ANK3: variants seen among roughly 807,000 people sequenced by gnomAD.
ANK3 encodes ankyrin-3.
ANK3 carries 57 observed loss-of-function variants against 370.9 expected under a neutral mutation model. That is an observed-to-expected ratio of 0.15 (90% CI 0.12 to 0.19). The LOEUF (loss-of-function observed/expected upper bound fraction) is 0.19, where lower values mean the gene tolerates loss of function less well. ANK3 is among the 10% of genes least tolerant of loss of function. ANK3 has a pLI of 1.00. For synonymous variants in ANK3, 1,929 were observed against 1,946.3 expected, an observed-to-expected ratio of 0.99 and a Z score of 0.23; for missense variants, 4,439 against 5,302.1, an observed-to-expected ratio of 0.84 and a Z score of 5.06.
At chr10:60,038,978 T>A (rs996244871) in intron 43 of ANK3, among the ~76,000 whole-genome samples, 1 of 152,204 alleles carries the variant, frequency 6.6e-6, no homozygotes, top group African/African-American at 2.4e-5. Flanking sequence ...AGACCTTCCC[T>A]AGCCCCAAAG....
chr10:60,273,284 G>A (rs897327440), intron 4 of ANK3, among the ~76,000 whole-genome samples: 1 of 152,040 alleles, frequency 6.6e-6, no homozygotes, highest in Non-Finnish European at 1.5e-5. Context: ...CTGAAAGTTG[G>A]TCATTTTCTG....
intron 1 of ANK3, among the ~76,000 whole-genome samples, chr10:60,307,954 A>T (rs1301251369): frequency 1.3e-5 from 2 of 152,216 alleles, no homozygotes; most frequent in Non-Finnish European, 2.9e-5. Flanking sequence ...AACAGCATTT[A>T]TATCACTGAT....
At chr10:60,109,896 T>C (rs1485114360) in intron 26 of ANK3, among the ~76,000 whole-genome samples, 1 of 152,228 alleles carries the variant, frequency 6.6e-6, no homozygotes, top group African/African-American at 2.4e-5. Context: ...GGTCCCACTA[T>C]CATCATCACA....
chr10:60,074,682 C>T lies in ANK3; in HGVS notation c.6199G>A (p.Val2067Ile), dbSNP rs766598247. 3.7e-6 allele frequency: 6 copies of T among 1,613,472 alleles called. No homozygotes were observed. Among genetic ancestry groups the T allele is most frequent in the South Asian group, 1.1e-5 (1 of 90,866 alleles). The change falls in exon 37 of 44, where the codon GTT (valine) becomes ATT (isoleucine). Residue 2067 changes from valine (V) to isoleucine (I), a missense_variant. By Grantham distance (29) the Val-to-Ile change is conservative. Around this residue, in one of 13 missense-constraint regions of ANK3, gnomAD observed 679 missense variants for 791.0 expected, o/e 0.86. Coordinates refer to ENST00000280772, the MANE Select transcript of ANK3 (RefSeq NM_020987.5). ...KKDGEERQKRVLKPAIALQEH... is the reference protein window; with the variant it reads ...KKDGEERQKRILKPAIALQEH... ...TGCAAAGCAATTGCTGGTTTTAAAA[C>T]TCTTTTCTGTCTCTCCTCACCATCC...
At chr10:60,270,316 G>A (rs375142885) in intron 4 of ANK3, 87 bp from the exon 5 acceptor site, 374 of 724,138 alleles carry the variant, frequency 5.2e-4, no homozygotes, top group Middle Eastern at 4.8e-3. Context: ...GCTCCAAGAA[G>A]TGCTCACATA....
intron 2 of ANK3, among the ~76,000 whole-genome samples, chr10:60,489,524 C>T (rs1471443169): frequency 2.6e-5 from 4 of 151,902 alleles, no homozygotes; most frequent in African/African-American, 7.2e-5. Context: ...CAAAGAAAAG[C>T]CACAGTTAAC....
At chr10:60,664,796 GTAA>G (rs1453985011) in intron 1 of ANK3, among the ~76,000 whole-genome samples, 3 of 152,120 alleles carry the variant, frequency 2.0e-5, no homozygotes, top group African/African-American at 7.2e-5. Context: ...AAATCACAAG[GTAA>G]TAATTAGTTC....
chr10:60,156,786 C>G (rs1265944968), intron 23 of ANK3, among the ~76,000 whole-genome samples: 1 of 152,138 alleles, frequency 6.6e-6, no homozygotes, highest in Non-Finnish European at 1.5e-5. Flanking sequence ...CACTCAATCC[C>G]TTTTGAATTC....
intron 4 of ANK3, among the ~76,000 whole-genome samples, chr10:60,272,995 A>T (rs537771469): frequency 6.6e-6 from 1 of 152,208 alleles, no homozygotes; most frequent in Non-Finnish European, 1.5e-5. Context: ...CCATTTCAGG[A>T]TCCATGAAGA....
intron 2 of ANK3, among the ~76,000 whole-genome samples, chr10:60,609,447 T>A (rs2078172734): frequency 1.3e-5 from 2 of 151,976 alleles, no homozygotes; most frequent in South Asian, 4.2e-4. Context: ...TACCTTAGAA[T>A]CCCAGGGTGC....
intron 4 of ANK3, among the ~76,000 whole-genome samples, chr10:60,275,503 G>C (rs541276147): frequency 6.6e-6 from 1 of 152,232 alleles, no homozygotes; most frequent in Non-Finnish European, 1.5e-5. Context: ...TTTTAACTAA[G>C]ATGTTAAGGG....
At chr10:60,732,660 T>G (rs1054106043) in intron 1 of ANK3, among the ~76,000 whole-genome samples, 2 of 151,954 alleles carry the variant, frequency 1.3e-5, no homozygotes, top group African/African-American at 4.8e-5. Context: ...TTTCATGGAG[T>G]TAAATCGACT....
chr10:60,233,846 A>C (rs1288967437), intron 8 of ANK3, among the ~76,000 whole-genome samples: 1 of 152,222 alleles, frequency 6.6e-6, no homozygotes, highest in Non-Finnish European at 1.5e-5. Flanking sequence ...TGTGTAACAG[A>C]TCTCTAGAAC....
At chr10:60,467,045 T>C (rs1478286561) in intron 2 of ANK3, among the ~76,000 whole-genome samples, 3 of 152,162 alleles carry the variant, frequency 2.0e-5, no homozygotes, top group Non-Finnish European at 4.4e-5. Flanking sequence ...CACTGAATTG[T>C]ATATTTTAAA....
At chr10:60,333,577 C>T (rs1398984894) in intron 1 of ANK3, among the ~76,000 whole-genome samples, 1 of 152,122 alleles carries the variant, frequency 6.6e-6, no homozygotes, top group African/African-American at 2.4e-5. Context: ...GGTTCCAAGT[C>T]TTTGTTATTG....
intron 2 of ANK3, among the ~76,000 whole-genome samples, chr10:60,437,178 T>C (rs2064179809): frequency 6.6e-6 from 1 of 152,178 alleles, no homozygotes; most frequent in Admixed American, 6.5e-5. Flanking sequence ...CAGTCTGAGA[T>C]TCATGAACAC....
intron 2 of ANK3, among the ~76,000 whole-genome samples, chr10:60,434,935 A>G (rs569584398): frequency 6.6e-6 from 1 of 152,296 alleles, no homozygotes; most frequent in African/African-American, 2.4e-5. Flanking sequence ...TTCAAAGAGG[A>G]TTATGTATAA....
At chr10:60,475,042 A>AT (rs1294908433) in intron 2 of ANK3, among the ~76,000 whole-genome samples, 1 of 152,158 alleles carries the variant, frequency 6.6e-6, no homozygotes, top group African/African-American at 2.4e-5. Flanking sequence ...AATGTGTGTC[A>AT]TTCAGGAGCT....
chr10:60,563,241 T>C (rs1032838759), intron 2 of ANK3, among the ~76,000 whole-genome samples: 44 of 152,192 alleles, frequency 2.9e-4, no homozygotes, highest in African/African-American at 1.0e-3. Context: ...ATATTTTTCC[T>C]ACCAAACTGA....
Sources: allele counts gnomAD v4.1 joint callset (sites outside exome capture counted in the v4.1 genomes callset), GRCh38; gene constraint gnomAD v4.1.1; regional missense constraint gnomAD v4.1.1; transcripts MANE v1.5; gene names NCBI Gene and HGNC (gene_info 2026-07-23, HGNC 2026-07-21).